Variants in TFCP2L1 observed in about 807,000 individuals in gnomAD.
TFCP2L1 encodes the protein transcription factor CP2-like protein 1.
A neutral mutation model predicts 72.2 loss-of-function variants in TFCP2L1; 12 were observed. The ratio of observed to expected loss-of-function variants is 0.17; its 90% confidence interval spans 0.11 to 0.27. The LOEUF (loss-of-function observed/expected upper bound fraction) is 0.27, where lower values mean the gene tolerates loss of function less well. Ranked by LOEUF, TFCP2L1 falls within the 10% of genes least tolerant of loss-of-function variation. The pLI is 1.00. For missense variants in TFCP2L1, 488 were observed against 624.6 expected (o/e 0.78, Z 2.33); for synonymous variants, 260 against 251.0 (o/e 1.04, Z -0.34).
Position 121,220,888 on chromosome 2 carries a change from C to T in TFCP2L1, c.*3453G>A, listed in dbSNP as rs1055463150. The T allele has an allele frequency of 2.6e-5, 4 of 152,208 alleles. No homozygotes were observed. Among genetic ancestry groups the T allele is most frequent in the South Asian group, 4.1e-4 (2 of 4,822 alleles). The allele number at this position is 152,208 out of a possible 1,614,324, so 9.4% of individuals were successfully genotyped here. A position where few individuals can be genotyped will look rare whatever the true frequency, so the allele number is the denominator to read the frequency against. On this transcript the variant is annotated 3_prime_UTR_variant, in exon 15 of 15. Coordinates refer to ENST00000263707, the MANE Select transcript of TFCP2L1 (RefSeq NM_014553.3). The stretch of plus-strand genomic sequence containing the variant: ...AAGCTATAAGCTTTAACTACAACCA[C>T]GAGAAGGTAAGAAGAGCAGATGCCA...
chr2:121,281,943 G>T (rs1213535968), intron 1 of TFCP2L1, among the ~76,000 whole-genome samples: 1 of 143,984 alleles, frequency 6.9e-6, no homozygotes, highest in Non-Finnish European at 1.5e-5. Context: ...TTGGGCGGGG[G>T]CGGGGGGGAC....
intron 2 of TFCP2L1, among the ~76,000 whole-genome samples, chr2:121,260,283 T>TA (rs1210818858): frequency 7.0e-6 from 1 of 143,002 alleles, no homozygotes; most frequent in Non-Finnish European, 1.5e-5. Context: ...TCAGGTCAGA[T>TA]ACACCACCGG....
rs1389415251 is a variant in TFCP2L1 at position 121,253,564 on chromosome 2, AGTGAGTTTACGG to A, written c.215-3929_215-3918del. 2.6e-5 allele frequency among the ~76,000 whole-genome samples: 4 copies of A among 152,316 alleles called. No homozygotes were observed. In the East Asian group the frequency reaches 7.7e-4, roughly 29 times the overall value. On this transcript the variant is annotated intron_variant, in intron 2 of 14. Transcript: ENST00000263707. ...AGGCCCAATGTCCAGGTGGTCATTA[AGTGAGTTTACGG>A]GTGCCACAGGGCCCAGTTATAGCAC...
At chr2:121,239,534 C>T (rs751748914) in intron 8 of TFCP2L1, 24 bp downstream of exon 8, 35 of 1,612,942 alleles carry the variant, frequency 2.2e-5, no homozygotes, top group African/African-American at 5.3e-5. Flanking sequence ...TCAGGGAACC[C>T]GAAGAAAGAG....
intron 2 of TFCP2L1, among the ~76,000 whole-genome samples, chr2:121,261,396 G>A (rs1434198278): frequency 6.6e-6 from 1 of 152,086 alleles, no homozygotes; most frequent in Non-Finnish European, 1.5e-5. Context: ...GTGCCAAAAG[G>A]TGAGGAAATG....
chr2:121,242,698 C>T (rs547971262), intron 6 of TFCP2L1, among the ~76,000 whole-genome samples: 1 of 152,302 alleles, frequency 6.6e-6, no homozygotes, highest in South Asian at 2.1e-4. Context: ...GATTGTTTCC[C>T]ATGGCCACTC....
At chr2:121,229,000 A>G (rs1253334051) in intron 13 of TFCP2L1, among the ~76,000 whole-genome samples, 1 of 151,920 alleles carries the variant, frequency 6.6e-6, no homozygotes, top group Non-Finnish European at 1.5e-5. Context: ...GCTCACTGAA[A>G]CCTCTGCCTC....
chr2:121,274,105 A>AT (rs1213998381), intron 2 of TFCP2L1, among the ~76,000 whole-genome samples: 2 of 152,010 alleles, frequency 1.3e-5, no homozygotes, highest in Non-Finnish European at 2.9e-5. Flanking sequence ...AAAAAAAAAA[A>AT]AAAAGAAAAA....
intron 8 of TFCP2L1, 55 bp downstream of exon 8, chr2:121,239,503 G>A (rs1686318590): frequency 1.9e-6 from 3 of 1,591,052 alleles, no homozygotes; most frequent in South Asian, 1.1e-5. Flanking sequence ...ACTAAGAAAG[G>A]AAAGTACACC....
At chr2:121,278,080 A>G (rs1489907129) in intron 2 of TFCP2L1, among the ~76,000 whole-genome samples, 1 of 137,410 alleles carries the variant, frequency 7.3e-6, no homozygotes, top group Non-Finnish European at 1.5e-5. Flanking sequence ...CCCAGGTCGG[A>G]CTGCGGACTG....
intron 2 of TFCP2L1, among the ~76,000 whole-genome samples, chr2:121,251,728 G>A (rs1250477425): frequency 6.6e-6 from 1 of 152,160 alleles, no homozygotes; most frequent in Non-Finnish European, 1.5e-5. Context: ...ATGTTACTTA[G>A]CTAGATTCAA....
chr2:121,275,242 G>A (rs1452967474), intron 2 of TFCP2L1, among the ~76,000 whole-genome samples: 1 of 151,112 alleles, frequency 6.6e-6, no homozygotes, highest in Non-Finnish European at 1.5e-5. Context: ...CTGTTAGCCA[G>A]GCATGGCGGC....
chr2:121,242,022 T>G (rs1334239824), intron 7 of TFCP2L1, among the ~76,000 whole-genome samples: 1 of 148,892 alleles, frequency 6.7e-6, no homozygotes, highest in Admixed American at 6.7e-5. Context: ...GGAGGGATAT[T>G]TTCTGTTGTA....
intron 12 of TFCP2L1, among the ~76,000 whole-genome samples, chr2:121,232,208 G>A (rs1263176969): frequency 6.6e-6 from 1 of 151,726 alleles, no homozygotes; most frequent in Non-Finnish European, 1.5e-5. Flanking sequence ...GCGTGATCTC[G>A]GCTCACTGCA....
At chr2:121,271,144 C>T (rs1473772408) in intron 2 of TFCP2L1, among the ~76,000 whole-genome samples, 5 of 146,670 alleles carry the variant, frequency 3.4e-5, no homozygotes, top group Admixed American at 3.4e-4. Flanking sequence ...GAGCCGAGAT[C>T]GCACCACTGC....
chr2:121,232,458 C>T (rs550656515), intron 12 of TFCP2L1, among the ~76,000 whole-genome samples: 7 of 152,258 alleles, frequency 4.6e-5, no homozygotes, highest in African/African-American at 1.7e-4. Flanking sequence ...CTCTTGATTC[C>T]TCTCGGTCTC....
At chr2:121,273,171 A>G (rs2104755728) in intron 2 of TFCP2L1, among the ~76,000 whole-genome samples, 1 of 152,310 alleles carries the variant, frequency 6.6e-6, no homozygotes, top group Admixed American at 6.5e-5. Flanking sequence ...AAGACTCAAG[A>G]GTTGTTTTGA....
intron 7 of TFCP2L1, among the ~76,000 whole-genome samples, chr2:121,241,953 G>A (rs898212926): frequency 2.6e-5 from 4 of 152,048 alleles, no homozygotes; most frequent in African/African-American, 9.7e-5. Context: ...ACAAAGTTGG[G>A]CCAGATACAG....
chr2:121,264,511 G>C (rs926583187), intron 2 of TFCP2L1, among the ~76,000 whole-genome samples: 4 of 152,156 alleles, frequency 2.6e-5, no homozygotes, highest in African/African-American at 7.2e-5. Context: ...GTCCCCTCCT[G>C]GGAGTGCAGA....
Sources: gnomAD v4.1 joint callset for allele counts (sites outside exome capture counted in the v4.1 genomes callset) on GRCh38, gnomAD v4.1.1 for gene constraint, MANE v1.5 for transcripts, NCBI Gene and HGNC (gene_info 2026-07-23, HGNC 2026-07-21) for gene names.